FGD4: variants seen among roughly 807,000 people sequenced by gnomAD.
FGD4 encodes the protein FYVE, RhoGEF and PH domain containing 4.
Under a neutral mutation model 102.0 loss-of-function variants are expected in FGD4, and 42 were observed. The observed-to-expected ratio is 0.41, with a 90% CI of 0.32 to 0.53. The LOEUF (loss-of-function observed/expected upper bound fraction) is 0.53, where lower values mean the gene tolerates loss of function less well. Ranked by LOEUF, FGD4 falls within the 20% of genes least tolerant of loss-of-function variation. The probability of loss-of-function intolerance (pLI) is 0.21; values close to 1 mark genes in which losing one functional copy is unlikely to be tolerated. For missense variants in FGD4, 902 were observed against 1,078.2 expected, an observed-to-expected ratio of 0.84 and a Z score of 2.29; for synonymous variants, 380 against 375.7, an observed-to-expected ratio of 1.01 and a Z score of -0.13.
At chr12:32,496,050 G>A (rs1937797358) in intron 1 of FGD4, among the ~76,000 whole-genome samples, 1 of 152,146 alleles carries the variant, frequency 6.6e-6, no homozygotes, top group African/African-American at 2.4e-5. Context: ...TCAGATGAGA[G>A]GTCATAAATA....
At chr12:32,614,155 C>T (rs73083477) in intron 10 of FGD4, among the ~76,000 whole-genome samples, 21,640 of 151,954 alleles carry the variant, frequency 0.14, 1,696 homozygotes, top group Middle Eastern at 0.25. Context: ...CAAGTCTGAC[C>T]GAAAAATTAA....
intron 1 of FGD4, among the ~76,000 whole-genome samples, chr12:32,523,100 C>T (rs1940721809): frequency 6.6e-6 from 1 of 152,036 alleles, no homozygotes; most frequent in South Asian, 2.1e-4. Flanking sequence ...AGCTGTAAAC[C>T]CCCTCCCGGG....
chr12:32,459,986 A>G (rs1380911679), intron 1 of FGD4, among the ~76,000 whole-genome samples: 3 of 152,152 alleles, frequency 2.0e-5, no homozygotes, highest in African/African-American at 7.2e-5. Context: ...GATTATAGGC[A>G]TGAGCCACCA....
At chr12:32,590,529 C>T (rs973751037) in intron 4 of FGD4, among the ~76,000 whole-genome samples, 2 of 152,084 alleles carry the variant, frequency 1.3e-5, no homozygotes, top group Non-Finnish European at 2.9e-5. Flanking sequence ...TTTTCTTGTT[C>T]CCCAAATCCA....
chr12:32,494,245 A>T (rs1937645506), intron 1 of FGD4, among the ~76,000 whole-genome samples: 1 of 151,944 alleles, frequency 6.6e-6, no homozygotes, highest in Non-Finnish European at 1.5e-5. Flanking sequence ...TAGAGATGAG[A>T]TCTCGCTATG....
At chr12:32,467,261 A>G (rs7971715) in intron 1 of FGD4, among the ~76,000 whole-genome samples, 147,729 of 152,160 alleles carry the variant, frequency 0.97, 71,898 homozygotes, top group East Asian at 1. Flanking sequence ...AGCCTGGAAT[A>G]TATGTTACTA....
At chr12:32,611,100 C>T (rs1470952430) in intron 9 of FGD4, 37 bp from the exon 10 acceptor site, 1 of 1,613,598 alleles carries the variant, frequency 6.2e-7, no homozygotes, top group East Asian at 2.2e-5. Flanking sequence ...TAGGTTGAAA[C>T]CTGCCTGTAT....
chr12:32,601,976 G>A lies in FGD4; in HGVS notation c.1248-185G>A, dbSNP rs991122833. ...ACAAAAAGCTAGCCACTAGCCAGGC[G>A]TGGTGGCGCGTGCCTGTAGTCCCAG... On this transcript the variant is annotated intron_variant, in intron 6 of 16. Transcript: ENST00000534526. Among the ~76,000 whole-genome samples the A allele has an allele frequency of 7.2e-5, 11 of 152,176 alleles. No individual in the cohort carries two copies. In the East Asian group the frequency reaches 1.2e-3, roughly 16 times the overall value.
chr12:32,632,144 GA>G (rs2137008562), intron 14 of FGD4, among the ~76,000 whole-genome samples: 1 of 152,146 alleles, frequency 6.6e-6, no homozygotes, highest in South Asian at 2.1e-4. Context: ...AACTGAGGGG[GA>G]AATACACTTC....
chr12:32,556,613 T>C (rs933395916), intron 1 of FGD4, among the ~76,000 whole-genome samples: 4 of 152,094 alleles, frequency 2.6e-5, no homozygotes, highest in Non-Finnish European at 5.9e-5. Context: ...TCCCAGCACT[T>C]TGGGAGGCCA....
chr12:32,441,699 G>A lies in FGD4; in HGVS notation c.166+41740G>A, dbSNP rs148870943. On this transcript the variant is annotated intron_variant, in intron 1 of 16. Coordinates refer to ENST00000534526, the MANE Select transcript of FGD4 (RefSeq NM_001370298.3). Reference sequence around the variant, plus strand: ...ATGTTGCTTGTCCCCCTAGTCCACTGTCTCTGGGCCTAGTTCAGCCCTAGG... The same window carrying A: ...ATGTTGCTTGTCCCCCTAGTCCACTATCTCTGGGCCTAGTTCAGCCCTAGG... 6.4e-3 allele frequency among the ~76,000 whole-genome samples: 968 copies of A among 152,132 alleles called. 12 individuals are homozygous for A. Among genetic ancestry groups the A allele is most frequent in the African/African-American group, 0.023 (935 of 41,526 alleles).
intron 1 of FGD4, among the ~76,000 whole-genome samples, chr12:32,556,717 A>G (rs1944151683): frequency 6.6e-6 from 1 of 151,712 alleles, no homozygotes; most frequent in South Asian, 2.1e-4. Flanking sequence ...AATTAGCTGC[A>G]CATGGTGGTG....
intron 1 of FGD4, among the ~76,000 whole-genome samples, chr12:32,562,301 T>A (rs1221905286): frequency 6.6e-6 from 1 of 152,246 alleles, no homozygotes; most frequent in Admixed American, 6.5e-5. Context: ...TGGAATGAGA[T>A]AGTTCCCAGG....
intron 1 of FGD4, among the ~76,000 whole-genome samples, chr12:32,430,179 G>A (rs1300910117): frequency 6.6e-6 from 1 of 152,032 alleles, no homozygotes; most frequent in Non-Finnish European, 1.5e-5. Context: ...GTGGTAGCAG[G>A]CATCTGTAAT....
At chr12:32,555,588 T>TTTC (rs1389826835) in intron 1 of FGD4, among the ~76,000 whole-genome samples, 1 of 149,600 alleles carries the variant, frequency 6.7e-6, no homozygotes, top group Non-Finnish European at 1.5e-5. Flanking sequence ...TTTTTTTTTT[T>TTTC]CGAGATGGAG....
Position 32,640,695 on chromosome 12 carries a change from T to A in FGD4, c.*162T>A. The stretch of plus-strand genomic sequence containing the variant: ...CTATGTTTATGTACTCTTAGTGAAA[T>A]TAGTGTGCAGAGTCATTCTACCGAT... On this transcript the variant is annotated 3_prime_UTR_variant, in exon 17 of 17. Transcript: ENST00000534526. 1 of 975,308 alleles carries A rather than the reference T, an allele frequency of 1.0e-6. No homozygotes were observed. The highest frequency in any genetic ancestry group is 1.5e-6 in the Non-Finnish European group (1 of 657,574). 60.4% of individuals were successfully genotyped at this position (975,308 alleles called of 1,614,324 possible).
chr12:32,589,660 C>T (rs750770172), intron 4 of FGD4, among the ~76,000 whole-genome samples: 12 of 152,194 alleles, frequency 7.9e-5, no homozygotes, highest in Non-Finnish European at 1.3e-4. Flanking sequence ...TTCACCACCA[C>T]TTACTTCCTG....
chr12:32,475,742 T>A (rs779613151), intron 1 of FGD4, among the ~76,000 whole-genome samples: 2 of 152,218 alleles, frequency 1.3e-5, no homozygotes, highest in South Asian at 4.1e-4. Flanking sequence ...AACATCTTCA[T>A]GAGGTCTCAA....
chr12:32,494,140 G>A (rs2136590164), intron 1 of FGD4, among the ~76,000 whole-genome samples: 1 of 152,328 alleles, frequency 6.6e-6, no homozygotes, highest in East Asian at 1.9e-4. Flanking sequence ...CTGTGCTCAG[G>A]CAATCCTCCT....
Sources: allele counts gnomAD v4.1 joint callset (sites outside exome capture counted in the v4.1 genomes callset), GRCh38; gene constraint gnomAD v4.1.1; transcripts MANE v1.5; gene names NCBI Gene and HGNC (gene_info 2026-07-23, HGNC 2026-07-21).